ASZ1: variants seen among roughly 807,000 people sequenced by gnomAD.
ASZ1 encodes the protein ankyrin repeat, SAM and basic leucine zipper domain-containing protein 1.
A neutral mutation model predicts 61.8 loss-of-function variants in ASZ1; 67 were observed. That is an observed-to-expected ratio of 1.08 (90% confidence interval 0.89 to 1.33). ASZ1 has a LOEUF of 1.33. Among genes scored for constraint, ASZ1 ranks in the 40% most tolerant of loss-of-function variants. ASZ1 has a pLI of 0.00. For synonymous variants in ASZ1, 193 were observed against 192.7 expected (o/e 1.00, Z -0.01); for missense variants, 577 against 554.5 (o/e 1.04, Z -0.41).
intron 10 of ASZ1, among the ~76,000 whole-genome samples, chr7:117,376,794 T>C (rs910592312): frequency 1.3e-5 from 2 of 152,098 alleles, no homozygotes; most frequent in Non-Finnish European, 2.9e-5. Context: ...CCCAATCTCA[T>C]AATCTACAAA....
chr7:117,381,115 A>G, intron 8 of ASZ1, 48 bp from the exon 9 acceptor site: 1 of 1,460,112 alleles, frequency 6.8e-7, no homozygotes, highest in South Asian at 1.3e-5. Flanking sequence ...TTAAAATAGT[A>G]GAAGGAGAAG....
intron 4 of ASZ1, among the ~76,000 whole-genome samples, chr7:117,403,892 T>C (rs1048204078): frequency 6.6e-6 from 1 of 152,144 alleles, no homozygotes; most frequent in Non-Finnish European, 1.5e-5. Flanking sequence ...TGGCATTAGA[T>C]TCTCATAGGA....
chr7:117,407,556 T>A (rs1479135990), intron 4 of ASZ1, among the ~76,000 whole-genome samples: 1 of 152,084 alleles, frequency 6.6e-6, no homozygotes, highest in East Asian at 1.9e-4. Context: ...TATGAAAAAA[T>A]TTAATTTGCA....
intron 4 of ASZ1, among the ~76,000 whole-genome samples, chr7:117,388,593 T>A (rs965283772): frequency 6.6e-6 from 1 of 152,108 alleles, no homozygotes; most frequent in Admixed American, 6.6e-5. Flanking sequence ...AATCCAACAT[T>A]TATTTCTAAC....
At position 117,363,262 on chromosome 7, in the gene ASZ1, C is replaced by T. The variant is rs1236393705; in HGVS notation, c.*334G>A. On this transcript the variant is annotated 3_prime_UTR_variant, in exon 13 of 13. Transcript: ENST00000284629. Reference sequence around the variant, plus strand: ...GAAAGCTCAATTTATGAACACTTTACAAATCCTGTACGATTCACTGACAAA... The same window carrying T: ...GAAAGCTCAATTTATGAACACTTTATAAATCCTGTACGATTCACTGACAAA... The T allele has an allele frequency of 6.3e-6, 1 of 157,862 alleles. No individual in the cohort carries two copies. Among genetic ancestry groups the T allele is most frequent in the Non-Finnish European group, 1.4e-5 (1 of 72,074 alleles). 9.8% of individuals were successfully genotyped at this position (157,862 alleles called of 1,614,324 possible).
At position 117,414,928 on chromosome 7, in the gene ASZ1, T is replaced by C. The variant is rs1455735818; in HGVS notation, c.440+5235A>G. Reference sequence around the variant, plus strand: ...TCCAAGTCTTTGCTATTGTGAACAGTGCCGCAATAAACATATGTGTGCACA... The same window carrying C: ...TCCAAGTCTTTGCTATTGTGAACAGCGCCGCAATAAACATATGTGTGCACA... On this transcript the variant is annotated intron_variant, in intron 4 of 12. Transcript: ENST00000284629. Among the ~76,000 whole-genome samples, 3 of 149,738 alleles carry C rather than the reference T, an allele frequency of 2.0e-5. No individual in the cohort carries two copies. In the East Asian group the frequency reaches 5.8e-4, roughly 29 times the overall value.
intron 4 of ASZ1, among the ~76,000 whole-genome samples, chr7:117,393,754 G>T (rs1584730270): frequency 6.6e-6 from 1 of 151,902 alleles, no homozygotes. Flanking sequence ...TGACATTTTT[G>T]CACTTTCTGT....
Position 117,423,985 on chromosome 7 carries a change from C to CA in ASZ1, c.206-1627dup, listed in dbSNP as rs549515561. ...CACATATTATGTTCCAGGCATAGTG[C>CA]AAAAAAAGGTAAGTTTCAAAAGGAT... On this transcript the variant is annotated intron_variant, in intron 2 of 12. Coordinates refer to ENST00000284629, the MANE Select transcript of ASZ1 (RefSeq NM_130768.3). Among the ~76,000 whole-genome samples the CA allele has an allele frequency of 4.6e-5, 7 of 151,282 alleles. No individual in the cohort carries two copies. The East Asian group carries it at 9.7e-4, about 21-fold the overall frequency.
chr7:117,379,168 T>TACATAC (rs1554360774), intron 10 of ASZ1, among the ~76,000 whole-genome samples: 1 of 69,726 alleles, frequency 1.4e-5, no homozygotes. Flanking sequence ...TATATATATA[T>TACATAC]ACACACACAC....
intron 10 of ASZ1, 80 bp from the exon 11 acceptor site, chr7:117,368,797 A>T (rs1795993466): frequency 6.3e-7 from 1 of 1,582,332 alleles, no homozygotes; most frequent in African/African-American, 1.4e-5. Flanking sequence ...AGTTACTGAA[A>T]ATCTAGTCAT....
Position 117,422,276 on chromosome 7 carries a change from C to G in ASZ1, c.289G>C (p.Val97Leu). Residue 97 changes from valine to leucine, a missense_variant, in exon 3 of 13, where the codon GTC (valine) becomes CTC (leucine). By Grantham distance (32) the Val-to-Leu change is conservative. Coordinates refer to ENST00000284629, the MANE Select transcript of ASZ1 (RefSeq NM_130768.3). The part of the protein sequence containing the change: ...ASVANAELVR[V>L]LLDRGANASF... ...GCATTAGCACCTCTGTCCAAAAGGA[C>G]CCGAACCAGCTCTGCATTGGCAACA... 6.2e-7 allele frequency: 1 copy of G among 1,613,868 alleles called. No homozygotes were observed. Among genetic ancestry groups the G allele is most frequent in the Non-Finnish European group, 8.5e-7 (1 of 1,179,894 alleles).
intron 6 of ASZ1, 81 bp downstream of exon 6, chr7:117,384,645 T>G: frequency 1.4e-6 from 2 of 1,438,702 alleles, no homozygotes; most frequent in South Asian, 2.6e-5. Context: ...CACTTTTAAT[T>G]CTAACAGAAT....
chr7:117,422,479 G>C, intron 2 of ASZ1, 120 bp from the exon 3 acceptor site: 1 of 1,197,040 alleles, frequency 8.4e-7, no homozygotes, highest in South Asian at 1.9e-5. Flanking sequence ...TCCACCATGG[G>C]AAGTTTTTAA....
intron 4 of ASZ1, among the ~76,000 whole-genome samples, chr7:117,415,232 G>A (rs1796967887): frequency 6.6e-6 from 1 of 152,160 alleles, no homozygotes; most frequent in Non-Finnish European, 1.5e-5. Context: ...GCTGTCTGCA[G>A]TAACCTGAGG....
intron 9 of ASZ1, among the ~76,000 whole-genome samples, chr7:117,380,359 T>C (rs1796227269): frequency 6.6e-6 from 1 of 151,814 alleles, no homozygotes; most frequent in African/African-American, 2.4e-5. Flanking sequence ...AAACAAAATT[T>C]CCTTCAAATT....
At position 117,406,754 on chromosome 7, in the gene ASZ1, C is replaced by CAA. The variant is rs57133101; in HGVS notation, c.440+13407_440+13408dup. Among the ~76,000 whole-genome samples, 35 of 140,336 alleles carry CAA rather than the reference C, an allele frequency of 2.5e-4. No individual in the cohort carries two copies. The South Asian group carries it at 2.7e-3, about 11-fold the overall frequency. The allele number at this position is 140,336 out of a possible 152,430, so 92.1% of individuals were successfully genotyped here. Reference sequence around the variant, plus strand: ...GGCAACAAAGAGCGAAACTCCATCTCAAAAAAAAAAAATAGCGATAGATTC... The same window carrying CAA: ...GGCAACAAAGAGCGAAACTCCATCTCAAAAAAAAAAAAAATAGCGATAGATTC... On this transcript the variant is annotated intron_variant, in intron 4 of 12. Transcript: ENST00000284629.
intron 10 of ASZ1, among the ~76,000 whole-genome samples, chr7:117,376,362 C>A (rs1188141999): frequency 1.3e-5 from 2 of 152,066 alleles, no homozygotes; most frequent in East Asian, 3.9e-4. Flanking sequence ...GAGAAATCTA[C>A]AGAATGTTTA....
intron 4 of ASZ1, among the ~76,000 whole-genome samples, chr7:117,403,847 T>G (rs1465879369): frequency 6.6e-6 from 1 of 152,118 alleles, no homozygotes; most frequent in Admixed American, 6.5e-5. Context: ...GAGCGAGCAT[T>G]ACCATCTGAG....
intron 10 of ASZ1, among the ~76,000 whole-genome samples, chr7:117,373,318 C>T (rs562182773): frequency 3.3e-4 from 50 of 152,208 alleles, no homozygotes; most frequent in African/African-American, 1.1e-3. Flanking sequence ...AAGTTATCCT[C>T]CTGCCTCAGT....
Sources: gnomAD v4.1 joint callset for allele counts (sites outside exome capture counted in the v4.1 genomes callset) on GRCh38, gnomAD v4.1.1 for gene constraint, MANE v1.5 for transcripts, NCBI Gene and HGNC (gene_info 2026-07-23, HGNC 2026-07-21) for gene names.